CNTNAP2: variants seen among roughly 807,000 people sequenced by gnomAD.
CNTNAP2 encodes the protein contactin associated protein 2.
CNTNAP2 carries 98 observed loss-of-function variants against 155.2 expected under a neutral mutation model. The ratio of observed to expected loss-of-function variants is 0.63; its 90% CI spans 0.54 to 0.75. The LOEUF is 0.75. Ranked by LOEUF, CNTNAP2 falls within the 30% of genes least tolerant of loss-of-function variation. The pLI, the probability that CNTNAP2 is intolerant of heterozygous loss-of-function variation, is 0.00. For missense variants in CNTNAP2, 1,727 were observed against 1,688.1 expected (o/e 1.02, Z -0.40); for synonymous variants, 651 against 631.2 (o/e 1.03, Z -0.47).
intron 1 of CNTNAP2, among the ~76,000 whole-genome samples, chr7:146,734,182 A>C (rs1801572851): frequency 6.6e-6 from 1 of 152,150 alleles, no homozygotes; most frequent in South Asian, 2.1e-4. Context: ...AGACAAATTC[A>C]TAGGCTGGCA....
At chr7:147,635,977 A>C (rs1022852293) in intron 12 of CNTNAP2, among the ~76,000 whole-genome samples, 1 of 152,212 alleles carries the variant, frequency 6.6e-6, no homozygotes, top group African/African-American at 2.4e-5. Context: ...AGAAAAGATC[A>C]AAACCAATCT....
At chr7:148,346,946 A>G (rs1798337955) in intron 21 of CNTNAP2, among the ~76,000 whole-genome samples, 1 of 151,870 alleles carries the variant, frequency 6.6e-6, no homozygotes, top group Non-Finnish European at 1.5e-5. Context: ...TCCCTCCCAA[A>G]GACAGCAAAG....
Position 148,060,016 on chromosome 7 carries a change from C to A in CNTNAP2, c.2384-58102C>A, listed in dbSNP as rs555088094. 4.6e-5 allele frequency among the ~76,000 whole-genome samples: 7 copies of A among 152,106 alleles called. No individual in the cohort carries two copies. The East Asian group carries it at 1.4e-3, about 29-fold the overall frequency. On this transcript the variant is annotated intron_variant, in intron 15 of 23. Transcript: ENST00000361727. ...TCATTTTTCATGCATTCATTATATT[C>A]TTTTCAGCATCATTTGCAGAGTTTT...
intron 5 of CNTNAP2, among the ~76,000 whole-genome samples, chr7:147,111,359 C>A (rs1206777795): frequency 6.6e-6 from 1 of 152,192 alleles, no homozygotes; most frequent in Non-Finnish European, 1.5e-5. Context: ...TGTGCAGAAG[C>A]ACTTCAGTTT....
rs78687149 is a variant in CNTNAP2, at chr7:146,972,340, A to G, written c.403-71567A>G. 1.2e-3 allele frequency among the ~76,000 whole-genome samples: 178 copies of G among 152,324 alleles called. 2 individuals carry two copies. In the East Asian group the frequency reaches 0.031, roughly 26 times the overall value. ...ATAAAATTGTATTCTTGAAATTAAA[A>G]TCAATACAGAGGAAAGCTTATTTCT... On this transcript the variant is annotated intron_variant, in intron 3 of 23. Transcript: ENST00000361727.
chr7:147,638,979 C>A, intron 12 of CNTNAP2, 127 bp from the exon 13 acceptor site: 1 of 946,562 alleles, frequency 1.1e-6, no homozygotes, highest in South Asian at 1.3e-5. Context: ...AAGGATTGCT[C>A]TCCTTAACAC....
intron 13 of CNTNAP2, among the ~76,000 whole-genome samples, chr7:147,673,415 A>C (rs1234154369): frequency 1.3e-5 from 2 of 152,242 alleles, no homozygotes; most frequent in African/African-American, 2.4e-5. Flanking sequence ...TAAGTAAAAA[A>C]TGAGGCTCAG....
chr7:147,508,995 T>C (rs147346206), intron 11 of CNTNAP2, among the ~76,000 whole-genome samples: 1 of 152,336 alleles, frequency 6.6e-6, no homozygotes, highest in African/African-American at 2.4e-5. Flanking sequence ...TTGAATAAAC[T>C]AATCTCACAA....
intron 2 of CNTNAP2, among the ~76,000 whole-genome samples, chr7:146,803,192 G>C (rs1802910888): frequency 6.6e-6 from 1 of 151,962 alleles, no homozygotes; most frequent in Admixed American, 6.6e-5. Flanking sequence ...AAAGTAACGG[G>C]AAAATAAAAG....
chr7:147,649,769 A>G (rs867974732), intron 13 of CNTNAP2, among the ~76,000 whole-genome samples: 10 of 152,030 alleles, frequency 6.6e-5, no homozygotes, highest in South Asian at 2.1e-4. Flanking sequence ...AAATTAAAAA[A>G]CTACTTTTGG....
intron 2 of CNTNAP2, among the ~76,000 whole-genome samples, chr7:146,819,668 G>A (rs1244751709): frequency 6.6e-6 from 1 of 151,958 alleles, no homozygotes; most frequent in East Asian, 1.9e-4. Context: ...AACCGATATG[G>A]GAACTTGACA....
intron 1 of CNTNAP2, among the ~76,000 whole-genome samples, chr7:146,377,371 C>T (rs1013233422): frequency 1.2e-4 from 19 of 152,066 alleles, no homozygotes; most frequent in Admixed American, 2.6e-4. Flanking sequence ...TGTTTTCTGC[C>T]GTCTACCTGC....
intron 4 of CNTNAP2, among the ~76,000 whole-genome samples, chr7:147,044,260 C>T (rs2129255524): frequency 6.6e-6 from 1 of 151,890 alleles, no homozygotes; most frequent in East Asian, 1.9e-4. Flanking sequence ...ATATTATAAA[C>T]ACGTACAGAG....
intron 8 of CNTNAP2, among the ~76,000 whole-genome samples, chr7:147,187,569 T>C (rs1460651656): frequency 6.6e-6 from 1 of 151,836 alleles, no homozygotes; most frequent in African/African-American, 2.4e-5. Flanking sequence ...ATTGGGGACA[T>C]AAATATGGGA....
At chr7:147,335,163 T>G (rs746596089) in intron 9 of CNTNAP2, among the ~76,000 whole-genome samples, 2 of 152,194 alleles carry the variant, frequency 1.3e-5, no homozygotes, top group Admixed American at 1.3e-4. Flanking sequence ...ATTGTGAGTA[T>G]ATTCATCAAC....
chr7:146,176,237 G>A (rs1310687929), intron 1 of CNTNAP2, among the ~76,000 whole-genome samples: 1 of 152,120 alleles, frequency 6.6e-6, no homozygotes, highest in Non-Finnish European at 1.5e-5. Context: ...AAACTTCTAA[G>A]TGTTGAAGAC....
intron 14 of CNTNAP2, among the ~76,000 whole-genome samples, chr7:147,956,107 CA>C (rs1563147841): frequency 6.6e-6 from 1 of 152,128 alleles, no homozygotes; most frequent in African/African-American, 2.4e-5. Context: ...TCAACTACCA[CA>C]AAAATAATAA....
chr7:147,903,812 A>G (rs1322247428), intron 14 of CNTNAP2, 91 bp downstream of exon 14: 4 of 1,468,256 alleles, frequency 2.7e-6, no homozygotes, highest in Non-Finnish European at 3.7e-6. Flanking sequence ...GAAAAGTGCT[A>G]TAATAATACG....
chr7:146,158,470 A>G (rs556848088), intron 1 of CNTNAP2, among the ~76,000 whole-genome samples: 3 of 152,228 alleles, frequency 2.0e-5, no homozygotes, highest in Non-Finnish European at 4.4e-5. Flanking sequence ...GTTAGAACTC[A>G]TCGCAAAGAA....
Sources: gnomAD v4.1 joint callset for allele counts (sites outside exome capture counted in the v4.1 genomes callset) on GRCh38, gnomAD v4.1.1 for gene constraint, MANE v1.5 for transcripts, NCBI Gene and HGNC (gene_info 2026-07-23, HGNC 2026-07-21) for gene names.